The following THRB variants were observed in gnomAD, a reference collection of about 807,000 sequenced individuals.
THRB encodes the protein nuclear receptor subfamily 1 group A member 2.
A neutral mutation model predicts 47.8 loss-of-function variants in THRB; 12 were observed. The observed-to-expected ratio is 0.25, with a 90% CI of 0.16 to 0.41. The LOEUF (loss-of-function observed/expected upper bound fraction) is 0.41, where lower values mean the gene tolerates loss of function less well. Among genes scored for constraint, THRB ranks in the 10% least tolerant of loss-of-function variants. The pLI is 1.00. For synonymous variants in THRB, 218 were observed against 212.2 expected (o/e 1.03, Z -0.24); for missense variants, 348 against 589.2 (o/e 0.59, Z 4.24).
At chr3:24,226,481 T>C (rs114541877) in intron 4 of THRB, among the ~76,000 whole-genome samples, 3 of 152,238 alleles carry the variant, frequency 2.0e-5, no homozygotes, top group South Asian at 2.1e-4. Flanking sequence ...CTTTTGAAAA[T>C]AGAACTACAA....
chr3:24,241,097 A>C (rs2049446858), intron 3 of THRB, among the ~76,000 whole-genome samples: 1 of 152,198 alleles, frequency 6.6e-6, no homozygotes, highest in Non-Finnish European at 1.5e-5. Flanking sequence ...TCCTGTGGCA[A>C]CAAAACGGCA....
intron 8 of THRB, among the ~76,000 whole-genome samples, chr3:24,140,380 C>G (rs1021849854): frequency 6.6e-6 from 1 of 152,056 alleles, no homozygotes; most frequent in Admixed American, 6.5e-5. Flanking sequence ...ATTGGCACAG[C>G]TAGGGGGCCC....
intron 4 of THRB, among the ~76,000 whole-genome samples, chr3:24,193,150 A>G (rs2043551727): frequency 6.6e-6 from 1 of 152,204 alleles, no homozygotes; most frequent in African/African-American, 2.4e-5. Context: ...GGTTGGCAAT[A>G]ATGGTCTTCA....
chr3:24,396,181 T>A (rs915486534), intron 1 of THRB, among the ~76,000 whole-genome samples: 1 of 152,116 alleles, frequency 6.6e-6, no homozygotes, highest in Non-Finnish European at 1.5e-5. Flanking sequence ...ATATATATAT[T>A]TTTTCTATAT....
intron 1 of THRB, among the ~76,000 whole-genome samples, chr3:24,376,522 C>T (rs1336497893): frequency 1.3e-5 from 2 of 152,034 alleles, no homozygotes; most frequent in East Asian, 3.9e-4. Context: ...TGAGACCTAC[C>T]CCAAACAGCT....
chr3:24,326,754 G>GTTTTTTTTTTTT (rs1300726453), intron 2 of THRB, among the ~76,000 whole-genome samples: 5 of 58,950 alleles, frequency 8.5e-5, no homozygotes, highest in East Asian at 7.5e-4. Context: ...GTCCAGTCTT[G>GTTTTTTTTTTTT]TCTTTTTTTT....
At chr3:24,159,501 T>C (rs2038426829) in intron 5 of THRB, among the ~76,000 whole-genome samples, 1 of 152,228 alleles carries the variant, frequency 6.6e-6, no homozygotes, top group Admixed American at 6.5e-5. Context: ...GGTTCAGGTG[T>C]ACTCCATTTT....
In THRB at chr3:24,239,533, C is replaced by T. The variant is rs138667098; in HGVS notation, c.-42-10532G>A. On this transcript the variant is annotated intron_variant, in intron 3 of 10. Coordinates refer to ENST00000646209, the MANE Select transcript of THRB (RefSeq NM_001354712.2). ...CTTGCTATGTTGCCCAGGCTGGTCT[C>T]GGACTACTGGTCTTAAGCAATTCTC... 5.9e-3 allele frequency among the ~76,000 whole-genome samples: 890 copies of T among 152,098 alleles called. 3 individuals are homozygous for T. Among genetic ancestry groups the T allele is most frequent in the Middle Eastern group, 0.014 (4 of 294 alleles).
chr3:24,312,737 T>C (rs1217152259), intron 2 of THRB, among the ~76,000 whole-genome samples: 2 of 152,192 alleles, frequency 1.3e-5, no homozygotes, highest in Non-Finnish European at 1.5e-5. Flanking sequence ...GGGTGAGATC[T>C]GTGAGTCTGG....
intron 4 of THRB, among the ~76,000 whole-genome samples, chr3:24,220,431 C>A (rs1354889666): frequency 1.3e-5 from 2 of 152,158 alleles, no homozygotes; most frequent in Non-Finnish European, 2.9e-5. Context: ...GTGGAGGTTG[C>A]AGTGAGCTGA....
intron 8 of THRB, among the ~76,000 whole-genome samples, chr3:24,138,184 T>C (rs957404936): frequency 6.6e-6 from 1 of 152,162 alleles, no homozygotes; most frequent in African/African-American, 2.4e-5. Context: ...CAAGGACTTC[T>C]TGGCTTGAAA....
At chr3:24,452,692 C>T (rs2072783371) in intron 1 of THRB, among the ~76,000 whole-genome samples, 1 of 152,012 alleles carries the variant, frequency 6.6e-6, no homozygotes. Context: ...TCCTTGCTAA[C>T]CCACCTGTAA....
intron 1 of THRB, among the ~76,000 whole-genome samples, chr3:24,451,358 C>T (rs763978066): frequency 5.9e-5 from 9 of 151,726 alleles, no homozygotes; most frequent in Non-Finnish European, 7.4e-5. Flanking sequence ...CTCAGCCTCC[C>T]GAGTAGCTGG....
chr3:24,322,000 C>T lies in THRB; in HGVS notation c.-189+15300G>A, dbSNP rs185867398. Among the ~76,000 whole-genome samples the T allele has an allele frequency of 4.0e-5, 6 of 151,704 alleles. No individual in the cohort carries two copies. The East Asian group carries it at 7.7e-4, about 20-fold the overall frequency. Reference sequence around the variant, plus strand: ...GTGGTTACTAGGAAATTTAAAATTACAGATGTGAGTTGGATTTGTGGCTTA... The same window carrying T: ...GTGGTTACTAGGAAATTTAAAATTATAGATGTGAGTTGGATTTGTGGCTTA... On this transcript the variant is annotated intron_variant, in intron 2 of 10. Coordinates refer to ENST00000646209, the MANE Select transcript of THRB (RefSeq NM_001354712.2).
At chr3:24,148,099 C>A (rs953958361) in intron 6 of THRB, among the ~76,000 whole-genome samples, 2 of 152,112 alleles carry the variant, frequency 1.3e-5, no homozygotes, top group Non-Finnish European at 2.9e-5. Flanking sequence ...GATAACAAGG[C>A]AAAATGAGTG....
intron 1 of THRB, among the ~76,000 whole-genome samples, chr3:24,343,477 T>C (rs1355369791): frequency 3.3e-5 from 5 of 151,870 alleles, no homozygotes; most frequent in African/African-American, 7.3e-5. Context: ...AGCGCAAGAG[T>C]ACTGAAAGGC....
intron 2 of THRB, among the ~76,000 whole-genome samples, chr3:24,307,220 G>A (rs1200230694): frequency 6.6e-6 from 1 of 150,550 alleles, no homozygotes. Context: ...TAAATTTACT[G>A]AAGAGAAATA....
At chr3:24,353,237 A>G (rs1299579369) in intron 1 of THRB, among the ~76,000 whole-genome samples, 1 of 152,086 alleles carries the variant, frequency 6.6e-6, no homozygotes, top group African/African-American at 2.4e-5. Flanking sequence ...AGAATAGTTT[A>G]AAACTGTAGT....
At chr3:24,361,257 C>G (rs1560019025) in intron 1 of THRB, among the ~76,000 whole-genome samples, 2 of 152,126 alleles carry the variant, frequency 1.3e-5, no homozygotes, top group African/African-American at 4.8e-5. Context: ...AACTCTAAGT[C>G]TGAATTATTA....
Sources: gnomAD v4.1 joint callset for allele counts (sites outside exome capture counted in the v4.1 genomes callset) on GRCh38, gnomAD v4.1.1 for gene constraint, MANE v1.5 for transcripts, NCBI Gene and HGNC (gene_info 2026-07-23, HGNC 2026-07-21) for gene names.